The following COL27A1 variants were observed in gnomAD, a reference collection of about 807,000 sequenced individuals.
The protein encoded by COL27A1 is collagen alpha-1(XXVII) chain.
Under a neutral mutation model 251.3 loss-of-function variants are expected in COL27A1, and 106 were observed. That is an observed-to-expected ratio of 0.42 (90% CI 0.36 to 0.50). The LOEUF (loss-of-function observed/expected upper bound fraction) is 0.50. COL27A1 is among the 20% of genes least tolerant of loss of function. The pLI, the probability that COL27A1 is intolerant of heterozygous loss-of-function variation, is 0.00. For synonymous variants in COL27A1, 1,000 were observed against 986.3 expected, an observed-to-expected ratio of 1.01 and a Z score of -0.26; for missense variants, 2,325 against 2,522.8, an observed-to-expected ratio of 0.92 and a Z score of 1.68.
At chr9:114,223,675 C>T (rs1280149216) in intron 14 of COL27A1, among the ~76,000 whole-genome samples, 2 of 152,194 alleles carry the variant, frequency 1.3e-5, no homozygotes, top group African/African-American at 2.4e-5. Flanking sequence ...TTTCTGGAAC[C>T]AGACCACCTA....
chr9:114,181,540 C>G (rs1827915148), intron 4 of COL27A1, among the ~76,000 whole-genome samples: 1 of 152,196 alleles, frequency 6.6e-6, no homozygotes, highest in Admixed American at 6.5e-5. Context: ...GGCAGTGTGC[C>G]TAGAGGCTGG....
chr9:114,189,219 A>G (rs1828587397), intron 5 of COL27A1, among the ~76,000 whole-genome samples: 1 of 152,198 alleles, frequency 6.6e-6, no homozygotes, highest in Non-Finnish European at 1.5e-5. Flanking sequence ...AATTAAAACC[A>G]TCTGGAATTC....
At chr9:114,235,710 G>C in intron 17 of COL27A1, 58 bp downstream of exon 17, 1 of 1,392,692 alleles carries the variant, frequency 7.2e-7, no homozygotes, top group Non-Finnish European at 1.0e-6. Flanking sequence ...CTGTTCCCCT[G>C]GTCTTGGCTT....
At chr9:114,227,049 G>C (rs977865273) in intron 14 of COL27A1, among the ~76,000 whole-genome samples, 1 of 152,192 alleles carries the variant, frequency 6.6e-6, no homozygotes, top group Non-Finnish European at 1.5e-5. Flanking sequence ...ATGGCACTCC[G>C]GGTATAGGAA....
rs370579896 is a variant in COL27A1, at chr9:114,168,673, C to T, written c.1118C>T (p.Ser373Leu). ...CCCAAAAGCCTCCCTACCAAGCCTT[C>T]GGCCCCTTCTACTTCAATTGTGCCC... Reference protein sequence around the residue: ...KIPKSLPTKPSAPSTSIVPIK... With the variant: ...KIPKSLPTKPLAPSTSIVPIK... Residue 373 changes from serine to leucine, a missense_variant, in exon 3 of 61, where the codon TCG becomes TTG. Ser to Leu is a moderately radical substitution (Grantham distance 145, BLOSUM62 -2). Around this residue, in one of 4 missense-constraint regions of COL27A1, gnomAD observed 1,183 missense variants for 1,144.1 expected, o/e 1.03. Coordinates refer to ENST00000356083, the MANE Select transcript of COL27A1 (RefSeq NM_032888.4). 1.8e-5 allele frequency: 29 copies of T among 1,614,056 alleles called. No homozygotes were observed. Among genetic ancestry groups the T allele is most frequent in the East Asian group, 8.9e-5 (4 of 44,890 alleles).
Position 114,168,663 on chromosome 9 carries a change from A to T in COL27A1, c.1108A>T (p.Thr370Ser). ...TATKIPKSLPTKPSAPSTSIV... is the reference protein window; with the variant it reads ...TATKIPKSLPSKPSAPSTSIV... ...CACCAAAATCCCCAAAAGCCTCCCT[A>T]CCAAGCCTTCGGCCCCTTCTACTTC... The change falls in exon 3 of 61, where the codon ACC (threonine) becomes TCC (serine). Residue 370 changes from threonine (T) to serine (S), a missense_variant. This residue lies in a region of COL27A1 where 1,183 missense variants were observed against 1,144.1 expected (regional missense o/e 1.03). Coordinates refer to ENST00000356083, the MANE Select transcript of COL27A1 (RefSeq NM_032888.4). 6.2e-7 allele frequency: 1 copy of T among 1,614,086 alleles called. No individual in the cohort carries two copies. The highest frequency in any genetic ancestry group is 8.5e-7 in the Non-Finnish European group (1 of 1,180,004).
chr9:114,252,483 G>T, intron 25 of COL27A1, 110 bp from the exon 26 acceptor site: 2 of 903,414 alleles, frequency 2.2e-6, no homozygotes. Context: ...GAGACCTTGA[G>T]CAAACCCCTA....
At chr9:114,174,383 C>T (rs746312590) in intron 3 of COL27A1, among the ~76,000 whole-genome samples, 1 of 152,140 alleles carries the variant, frequency 6.6e-6, no homozygotes, top group Non-Finnish European at 1.5e-5. Flanking sequence ...GTTCCCAGAA[C>T]CCAATAAGAG....
intron 7 of COL27A1, 40 bp downstream of exon 7, chr9:114,196,052 C>A: frequency 2.5e-6 from 4 of 1,580,574 alleles, no homozygotes; most frequent in Non-Finnish European, 3.5e-6. Flanking sequence ...CGCAGTGGGC[C>A]TCCTAGCAAG....
intron 16 of COL27A1, among the ~76,000 whole-genome samples, 196 bp downstream of exon 16, chr9:114,232,062 G>A (rs1402120072): frequency 6.6e-6 from 1 of 152,104 alleles, no homozygotes; most frequent in Non-Finnish European, 1.5e-5. Flanking sequence ...GGTTCTGGGA[G>A]CCCGAAAACC....
intron 51 of COL27A1, among the ~76,000 whole-genome samples, 153 bp downstream of exon 51, chr9:114,300,840 C>A (rs1451177291): frequency 1.3e-5 from 2 of 152,228 alleles, no homozygotes; most frequent in Non-Finnish European, 2.9e-5. Context: ...TCCTGCCGTT[C>A]CCACCAGCTC....
intron 51 of COL27A1, 94 bp from the exon 52 acceptor site, chr9:114,300,978 C>A: frequency 8.0e-7 from 1 of 1,252,892 alleles, no homozygotes; most frequent in Non-Finnish European, 1.1e-6. Context: ...CCCTTCTACT[C>A]CCTTGCGACG....
chr9:114,172,490 C>T (rs1333413227), intron 3 of COL27A1, among the ~76,000 whole-genome samples: 5 of 152,086 alleles, frequency 3.3e-5, no homozygotes, highest in African/African-American at 7.2e-5. Flanking sequence ...TGAAAATGTG[C>T]GTAAATTTTA....
intron 41 of COL27A1, among the ~76,000 whole-genome samples, chr9:114,287,854 G>A (rs1410826592): frequency 6.6e-6 from 1 of 152,138 alleles, no homozygotes; most frequent in Non-Finnish European, 1.5e-5. Context: ...CTCTGAGCAG[G>A]TCCCATCATC....
chr9:114,246,972 A>G (rs976912047), intron 24 of COL27A1, among the ~76,000 whole-genome samples: 1 of 152,134 alleles, frequency 6.6e-6, no homozygotes, highest in Non-Finnish European at 1.5e-5. Flanking sequence ...AAGTCAGAGC[A>G]CAAAGATCCT....
intron 5 of COL27A1, among the ~76,000 whole-genome samples, chr9:114,187,291 A>G (rs1392137707): frequency 6.6e-6 from 1 of 152,232 alleles, no homozygotes; most frequent in Non-Finnish European, 1.5e-5. Flanking sequence ...TCTCAGCCCC[A>G]CCCTGGGCCT....
chr9:114,311,359 C>T lies in COL27A1; in HGVS notation c.*664C>T, dbSNP rs1165436701. On this transcript the variant is annotated 3_prime_UTR_variant, in exon 61 of 61. Coordinates refer to ENST00000356083, the MANE Select transcript of COL27A1 (RefSeq NM_032888.4). Reference sequence around the variant, plus strand: ...TTTTTTTAAGGAAAAAAAAAAATCCCTATTTAAGATTCTGAAGGTGCTACC... The same window carrying T: ...TTTTTTTAAGGAAAAAAAAAAATCCTTATTTAAGATTCTGAAGGTGCTACC... The T allele has an allele frequency of 6.8e-6, 1 of 146,840 alleles. No homozygotes were observed. The highest frequency in any genetic ancestry group is 6.8e-5 in the Admixed American group (1 of 14,678). 9.1% of individuals were successfully genotyped at this position (146,840 alleles called of 1,614,324 possible).
In COL27A1 at chr9:114,168,098, C is replaced by A. The variant is rs1588566349; in HGVS notation, c.543C>A (p.Val181=). Residue 181 remains valine (V), a synonymous_variant, in exon 3 of 61, where the codon GTC becomes GTA. Coordinates refer to ENST00000356083, the MANE Select transcript of COL27A1 (RefSeq NM_032888.4). The part of the protein sequence containing the change: ...VTACGQRRVP[V]LLPFHRDPAL... ...CCTGCGGGCAGCGCCGGGTGCCTGTCCTGCTGCCTTTCCACAGGGACCCTG... is the reference window on the plus strand; with the variant it reads ...CCTGCGGGCAGCGCCGGGTGCCTGTACTGCTGCCTTTCCACAGGGACCCTG... 6.2e-7 allele frequency: 1 copy of A among 1,611,958 alleles called. No homozygotes were observed. Among genetic ancestry groups the A allele is most frequent in the Non-Finnish European group, 8.5e-7 (1 of 1,180,020 alleles).
chr9:114,275,946 G>A (rs966644939), intron 37 of COL27A1, among the ~76,000 whole-genome samples, 178 bp downstream of exon 37: 1 of 152,192 alleles, frequency 6.6e-6, no homozygotes, highest in Non-Finnish European at 1.5e-5. Context: ...CCATGGCTCT[G>A]GAGAACAACC....
Sources: allele counts gnomAD v4.1 joint callset (sites outside exome capture counted in the v4.1 genomes callset), GRCh38; gene constraint gnomAD v4.1.1; regional missense constraint gnomAD v4.1.1; transcripts MANE v1.5; gene names NCBI Gene and HGNC (gene_info 2026-07-23, HGNC 2026-07-21).